Variants in AGAP3 observed in about 807,000 individuals in gnomAD.
AGAP3 encodes ArfGAP with GTPase domain, ankyrin repeat and PH domain 3, also known as arf-GAP with GTPase, ANK repeat and PH domain-containing protein 3.
AGAP3 carries 24 observed loss-of-function variants against 96.9 expected under a neutral mutation model. The observed-to-expected ratio is 0.25, with a 90% confidence interval of 0.18 to 0.35. The LOEUF (loss-of-function observed/expected upper bound fraction) is 0.35. Ranked by LOEUF, AGAP3 falls within the 10% of genes least tolerant of loss-of-function variation. The probability of loss-of-function intolerance (pLI) is 1.00; values close to 1 mark genes in which losing one functional copy is unlikely to be tolerated. For missense variants in AGAP3, 876 were observed against 1,254.2 expected (o/e 0.70, Z 4.55); for synonymous variants, 563 against 536.1 (o/e 1.05, Z -0.69).
rs1288090599 is a variant in AGAP3, at chr7:151,087,035, G to A, written c.294G>A (p.Leu98=). The part of the protein sequence containing the change: ...DLIERIEDLA[L]QNQIREHVIS... Reference sequence around the variant, plus strand: ...TCGAGCGCATCGAGGATTTGGCGCTGCAGAACCAGATCCGGGAGCACGTCA... The same window carrying A: ...TCGAGCGCATCGAGGATTTGGCGCTACAGAACCAGATCCGGGAGCACGTCA... Residue 98 remains leucine (L), a synonymous_variant, in exon 1 of 18, where the codon CTG becomes CTA. Coordinates refer to ENST00000397238, the MANE Select transcript of AGAP3 (RefSeq NM_031946.7). The A allele has an allele frequency of 1.9e-6, 3 of 1,612,026 alleles. No homozygotes were observed. Among genetic ancestry groups the A allele is most frequent in the Non-Finnish European group, 2.5e-6 (3 of 1,179,086 alleles).
chr7:151,111,515 C>G (rs1799283475), intron 1 of AGAP3, among the ~76,000 whole-genome samples: 2 of 152,200 alleles, frequency 1.3e-5, no homozygotes, highest in Non-Finnish European at 2.9e-5. Flanking sequence ...CTTTCTCTTT[C>G]TGGCAGGGTC....
In AGAP3 at chr7:151,129,699, A is replaced by T. The variant is rs905521865; in HGVS notation, c.1326+1015A>T. On this transcript the variant is annotated intron_variant, in intron 10 of 17. Coordinates refer to ENST00000397238, the MANE Select transcript of AGAP3 (RefSeq NM_031946.7). ...TCCTGAGCTCCCGCCCGACCCCCCC[A>T]CCTCCCCACCGCGGGCACAGACCTT... 9.7e-5 allele frequency among the ~76,000 whole-genome samples: 7 copies of T among 72,242 alleles called. 1 individual carries two copies. The highest frequency in any genetic ancestry group is 6.6e-4 in the East Asian group (2 of 3,018). The allele number at this position is 72,242 out of a possible 152,430, so 47.4% of individuals were successfully genotyped here.
intron 10 of AGAP3, among the ~76,000 whole-genome samples, chr7:151,129,736 G>A (rs533587918): frequency 2.4e-4 from 34 of 141,920 alleles, no homozygotes; most frequent in Non-Finnish European, 4.4e-4. Flanking sequence ...TCCCACTCGC[G>A]AGTCCTTGCG....
intron 1 of AGAP3, among the ~76,000 whole-genome samples, chr7:151,087,604 T>A (rs1244722174): frequency 6.6e-6 from 1 of 152,060 alleles, no homozygotes; most frequent in Non-Finnish European, 1.5e-5. Flanking sequence ...GGCCTGGCGC[T>A]GGGCTGAGGC....
At chr7:151,117,881 C>G in intron 5 of AGAP3, 104 bp downstream of exon 5, 2 of 1,431,088 alleles carry the variant, frequency 1.4e-6, no homozygotes, top group Non-Finnish European at 1.8e-6. Flanking sequence ...AGCCCCTACT[C>G]TTTTCCCAGT....
intron 1 of AGAP3, among the ~76,000 whole-genome samples, chr7:151,109,165 T>TA (rs112464213): frequency 0.61 from 83,098 of 135,950 alleles, 25,773 homozygotes; most frequent in East Asian, 0.75. Context: ...CCCACCTCTG[T>TA]AAAAAAAAAA....
At chr7:151,115,320 G>C in intron 1 of AGAP3, 1 of 1,010,338 alleles carries the variant, frequency 9.9e-7, no homozygotes, top group South Asian at 4.5e-5. Context: ...GCGCGGCCTG[G>C]CGGCGCTCAG....
intron 1 of AGAP3, chr7:151,115,051 C>T (rs1396212400): frequency 9.9e-7 from 1 of 1,008,412 alleles, no homozygotes. Context: ...CCCTCGGGAC[C>T]GCCCGTCTCG....
At chr7:151,115,040 G>C in intron 1 of AGAP3, 1 of 996,126 alleles carries the variant, frequency 1.0e-6, no homozygotes, top group Non-Finnish European at 1.2e-6. Flanking sequence ...GGGGCCTGGC[G>C]CCCTCGGGAC....
intron 8 of AGAP3, among the ~76,000 whole-genome samples, chr7:151,121,263 A>G (rs956883932): frequency 7.2e-5 from 11 of 151,910 alleles, no homozygotes; most frequent in African/African-American, 2.7e-4. Context: ...TCCGCCACAC[A>G]TTGCAGCTGC....
chr7:151,091,825 G>A (rs1401624279), intron 1 of AGAP3, among the ~76,000 whole-genome samples: 12 of 152,306 alleles, frequency 7.9e-5, no homozygotes, highest in Admixed American at 7.2e-4. Flanking sequence ...TCCCTATGAT[G>A]CCACCTGGCA....
At chr7:151,107,167 G>A (rs895872980) in intron 1 of AGAP3, among the ~76,000 whole-genome samples, 1 of 151,972 alleles carries the variant, frequency 6.6e-6, no homozygotes, top group Non-Finnish European at 1.5e-5. Context: ...AAATTTAGCC[G>A]GATGTGGTGG....
intron 1 of AGAP3, among the ~76,000 whole-genome samples, chr7:151,092,809 T>C (rs1000262354): frequency 6.6e-6 from 1 of 152,200 alleles, no homozygotes; most frequent in African/African-American, 2.4e-5. Context: ...GCCTTGCATG[T>C]ATGGGCTGAA....
chr7:151,127,214 G>A (rs1024614676), intron 9 of AGAP3, among the ~76,000 whole-genome samples: 2 of 152,188 alleles, frequency 1.3e-5, no homozygotes, highest in African/African-American at 2.4e-5. Context: ...ACCCTTGGGC[G>A]TCAGGACCAC....
Position 151,096,163 on chromosome 7 carries a change from C to T in AGAP3, c.331+9091C>T, listed in dbSNP as rs1369358469. ...TGTGCGTGCTGGGTGGCGACTGTCT[C>T]ATTACTTGTCTCAGAGGCTCAGCTG... On this transcript the variant is annotated intron_variant, in intron 1 of 17. Transcript: ENST00000397238. This position sits in a 1 kb window ranked among gnomAD's most constrained non-coding sequence, Gnocchi z 4.4. Among the ~76,000 whole-genome samples, 1 of 152,190 alleles carries T rather than the reference C, an allele frequency of 6.6e-6. No individual in the cohort carries two copies. The highest frequency in any genetic ancestry group is 2.4e-5 in the African/African-American group (1 of 41,448).
At chr7:151,129,332 G>GC (rs1444817665) in intron 10 of AGAP3, among the ~76,000 whole-genome samples, 1 of 152,072 alleles carries the variant, frequency 6.6e-6, no homozygotes, top group Non-Finnish European at 1.5e-5. Context: ...CACAGCGCGT[G>GC]CCCCCCACTG....
chr7:151,110,996 G>A (rs1799256367), intron 1 of AGAP3, among the ~76,000 whole-genome samples: 1 of 152,280 alleles, frequency 6.6e-6, no homozygotes, highest in Admixed American at 6.5e-5. Flanking sequence ...GGAGGACTGT[G>A]GCCCCACTGG....
chr7:151,117,146 C>T lies in AGAP3; in HGVS notation c.442C>T (p.Leu148=). 6.2e-7 allele frequency: 1 copy of T among 1,614,128 alleles called. No homozygotes were observed. Among genetic ancestry groups the T allele is most frequent in the Non-Finnish European group, 8.5e-7 (1 of 1,179,970 alleles). ...GAAGTCAGCCCTGGTGCACCGCTATCTGACGGGGACCTATGTCCAGGAGGA... is the reference window on the plus strand; with the variant it reads ...GAAGTCAGCCCTGGTGCACCGCTATTTGACGGGGACCTATGTCCAGGAGGA... ...SGKSALVHRY[L]TGTYVQEESP... is the part of the protein sequence containing the mutation. Residue 148 remains leucine (L), a synonymous_variant, in exon 3 of 18, where the codon CTG becomes TTG. Coordinates refer to ENST00000397238, the MANE Select transcript of AGAP3 (RefSeq NM_031946.7).
At chr7:151,129,897 G>T (rs1167924665) in intron 10 of AGAP3, among the ~76,000 whole-genome samples, 1 of 152,218 alleles carries the variant, frequency 6.6e-6, no homozygotes, top group African/African-American at 2.4e-5. Flanking sequence ...GACAAGGGGA[G>T]CCCCAGTATT....
Sources: gnomAD v4.1 joint callset for allele counts (sites outside exome capture counted in the v4.1 genomes callset) on GRCh38, gnomAD v4.1.1 for gene constraint, Gnocchi (gnomAD v3.1) non-coding constraint, MANE v1.5 for transcripts, NCBI Gene and HGNC (gene_info 2026-07-23, HGNC 2026-07-21) for gene names.